MORC3: variants seen among roughly 807,000 people sequenced by gnomAD.
The protein encoded by MORC3 is MORC family CW-type zinc finger 3.
Under a neutral mutation model 109.1 loss-of-function variants are expected in MORC3, and 31 were observed. That is an observed-to-expected ratio of 0.28 (90% confidence interval 0.21 to 0.38). The LOEUF (loss-of-function observed/expected upper bound fraction) is 0.38, where lower values mean the gene tolerates loss of function less well. MORC3 is among the 10% of genes least tolerant of loss of function. MORC3 has a pLI of 1.00. For synonymous variants in MORC3, 395 were observed against 380.7 expected, an observed-to-expected ratio of 1.04 and a Z score of -0.44; for missense variants, 867 against 1,135.8, an observed-to-expected ratio of 0.76 and a Z score of 3.40.
At chr21:36,337,482 T>G (rs2085387116) in intron 3 of MORC3, among the ~76,000 whole-genome samples, 1 of 152,124 alleles carries the variant, frequency 6.6e-6, no homozygotes, top group Non-Finnish European at 1.5e-5. Flanking sequence ...TTGGTTTCCT[T>G]ATTTCAGAGC....
Position 36,362,238 on chromosome 21 carries a change from CCTT to C in MORC3, c.1452+14_1452+16del, listed in dbSNP as rs762652773. ...GGAAATGATCCCTCGGGTAATTAAG[CCTT>C]CTTTTTTTTTTTTTTTTTTAAATAG... On this transcript the variant is annotated intron_variant, in intron 13 of 16. Coordinates refer to ENST00000400485, the MANE Select transcript of MORC3 (RefSeq NM_015358.3). The C allele has an allele frequency of 6.3e-6, 10 of 1,583,886 alleles. No homozygotes were observed. Among genetic ancestry groups the C allele is most frequent in the Admixed American group, 3.7e-5 (2 of 54,296 alleles).
intron 6 of MORC3, among the ~76,000 whole-genome samples, chr21:36,344,014 A>G (rs117910454): frequency 0.02 from 3,008 of 152,286 alleles, 54 homozygotes; most frequent in Admixed American, 0.043. Flanking sequence ...AGAAGATGGT[A>G]TGGTTTTAGT....
chr21:36,343,235 A>G (rs2085470299), intron 6 of MORC3, among the ~76,000 whole-genome samples: 1 of 150,858 alleles, frequency 6.6e-6, no homozygotes, highest in African/African-American at 2.4e-5. Flanking sequence ...AGCTGGGATT[A>G]CAGGCATGCG....
chr21:36,345,019 A>G lies in MORC3; in HGVS notation c.993A>G (p.Gly331=). The change falls in exon 8 of 17, where the codon GGA becomes GGG. Residue 331 remains glycine (G), a synonymous_variant. Transcript: ENST00000400485. ...NRLIKAYEKV[G]CQLRANNMGV... ...TCATCAAAGCTTATGAAAAAGTTGG[A>G]TGTCAGTTAAGGGTAAGCTTTATTT... 6.2e-7 allele frequency: 1 copy of G among 1,602,456 alleles called. No individual in the cohort carries two copies.
At chr21:36,341,312 G>A (rs1451166108) in intron 5 of MORC3, 87 bp from the exon 6 acceptor site, 2 of 1,283,012 alleles carry the variant, frequency 1.6e-6, no homozygotes, top group East Asian at 2.4e-5. Flanking sequence ...TTATTTATTT[G>A]CTTACCTTTT....
intron 4 of MORC3, among the ~76,000 whole-genome samples, chr21:36,338,199 T>C (rs979043203): frequency 6.6e-6 from 1 of 152,208 alleles, no homozygotes; most frequent in African/African-American, 2.4e-5. Flanking sequence ...ACTTCAGGGT[T>C]ATTGTAGACT....
At chr21:36,334,871 C>T (rs984968397) in intron 2 of MORC3, among the ~76,000 whole-genome samples, 8 of 152,116 alleles carry the variant, frequency 5.3e-5, no homozygotes, top group African/African-American at 1.7e-4. Context: ...TTGTTCACAC[C>T]TGTAATCCCA....
At chr21:36,365,420 A>C (rs1299008404) in intron 14 of MORC3, among the ~76,000 whole-genome samples, 1 of 152,196 alleles carries the variant, frequency 6.6e-6, no homozygotes, top group Admixed American at 6.5e-5. Flanking sequence ...GAACATTGAA[A>C]CAAGCTTCTC....
chr21:36,340,606 T>C (rs1036169859), intron 5 of MORC3, among the ~76,000 whole-genome samples: 4 of 150,528 alleles, frequency 2.7e-5, no homozygotes, highest in African/African-American at 9.7e-5. Context: ...TTTTTCTTTT[T>C]TTTTTCTTTC....
chr21:36,358,845 T>A (rs2085678770), intron 10 of MORC3, among the ~76,000 whole-genome samples: 1 of 151,896 alleles, frequency 6.6e-6, no homozygotes, highest in African/African-American at 2.4e-5. Flanking sequence ...ACGCATGGCT[T>A]ATTTTTTGTA....
chr21:36,325,053 A>T (rs1380737200), intron 1 of MORC3, among the ~76,000 whole-genome samples: 1 of 152,034 alleles, frequency 6.6e-6, no homozygotes, highest in Non-Finnish European at 1.5e-5. Flanking sequence ...TGACTGCAAA[A>T]TTTTCATACA....
chr21:36,343,974 C>G (rs1253558318), intron 6 of MORC3, among the ~76,000 whole-genome samples: 1 of 151,904 alleles, frequency 6.6e-6, no homozygotes, highest in Non-Finnish European at 1.5e-5. Flanking sequence ...AAGTCTTATT[C>G]AAGTATGAAA....
chr21:36,345,899 T>TG (rs1569097645), intron 8 of MORC3, among the ~76,000 whole-genome samples: 2 of 152,128 alleles, frequency 1.3e-5, no homozygotes, highest in African/African-American at 2.4e-5. Context: ...TGGAGTGCAG[T>TG]GGCGCAATTT....
rs2085390581 is a variant in MORC3 at position 36,337,803 on chromosome 21, C to T, written c.317C>T (p.Ser106Leu). ...PVGLYGNGFK[S>L]GSMRLGKDAI... Reference sequence around the variant, plus strand: ...GGATTATATGGGAATGGCTTCAAGTCGGGTTCTATGCGTCTGGGTAAAGAC... The same window carrying T: ...GGATTATATGGGAATGGCTTCAAGTTGGGTTCTATGCGTCTGGGTAAAGAC... Residue 106 changes from serine to leucine, a missense_variant, in exon 4 of 17, where the codon TCG becomes TTG. Around this residue, in one of 7 missense-constraint regions of MORC3, gnomAD observed 53 missense variants for 130.3 expected, o/e 0.41. Transcript: ENST00000400485. 2 of 1,614,090 alleles carry T rather than the reference C, an allele frequency of 1.2e-6. No individual in the cohort carries two copies. The highest frequency in any genetic ancestry group is 1.7e-6 in the Non-Finnish European group (2 of 1,180,028).
chr21:36,329,539 A>G (rs1032677241), intron 1 of MORC3, among the ~76,000 whole-genome samples: 4 of 152,158 alleles, frequency 2.6e-5, no homozygotes, highest in Non-Finnish European at 5.9e-5. Context: ...GTAGTTGACT[A>G]ATTTCTCCTT....
intron 16 of MORC3, among the ~76,000 whole-genome samples, chr21:36,372,853 A>G (rs1055678262): frequency 2.0e-5 from 3 of 152,240 alleles, no homozygotes; most frequent in African/African-American, 7.2e-5. Context: ...GAATTTGGCC[A>G]TGAGTAGAAG....
intron 14 of MORC3, among the ~76,000 whole-genome samples, chr21:36,367,713 A>G (rs2085797717): frequency 6.6e-6 from 1 of 152,214 alleles, no homozygotes; most frequent in Non-Finnish European, 1.5e-5. Context: ...GAGCCACTCA[A>G]AGACATAGGA....
At chr21:36,371,243 GTC>G (rs1202475163) in intron 15 of MORC3, among the ~76,000 whole-genome samples, 19 of 152,116 alleles carry the variant, frequency 1.2e-4, no homozygotes, top group Non-Finnish European at 1.2e-4. Context: ...GTGCTGTGCT[GTC>G]TCTTCCTTGG....
intron 9 of MORC3, among the ~76,000 whole-genome samples, chr21:36,352,400 G>GT (rs1041263153): frequency 1.6e-4 from 4 of 24,472 alleles, no homozygotes; most frequent in Non-Finnish European, 2.6e-4. Context: ...AAAAGGGGTG[G>GT]GGGGGGGCAG....
Sources: gnomAD v4.1 joint callset for allele counts (sites outside exome capture counted in the v4.1 genomes callset) on GRCh38, gnomAD v4.1.1 for gene constraint, gnomAD v4.1.1 regional missense constraint, MANE v1.5 for transcripts, NCBI Gene and HGNC (gene_info 2026-07-23, HGNC 2026-07-21) for gene names.